Variants in AATK observed in about 807,000 individuals in gnomAD.
The protein encoded by AATK is lemur tail kinase 1, also known as serine/threonine-protein kinase LMTK1.
In AATK, 91 loss-of-function variants were observed where a neutral mutation model predicts 114.3. The observed-to-expected ratio is 0.80, with a 90% CI of 0.67 to 0.95. The LOEUF is 0.95. Ranked by LOEUF, AATK falls within the 40% of genes least tolerant of loss-of-function variation. The pLI, the probability that AATK is intolerant of heterozygous loss-of-function variation, is 0.00. For missense variants in AATK, 2,176 were observed against 1,965.2 expected, an observed-to-expected ratio of 1.11 and a Z score of -2.03; for synonymous variants, 1,075 against 916.5, an observed-to-expected ratio of 1.17 and a Z score of -3.12.
At chr17:81,145,826 C>T (rs1473974504) in intron 1 of AATK, among the ~76,000 whole-genome samples, 39 of 151,490 alleles carry the variant, frequency 2.6e-4, no homozygotes, top group Non-Finnish European at 4.4e-5. Flanking sequence ...GAAAATATGT[C>T]GAAGAGCTGA....
intron 1 of AATK, among the ~76,000 whole-genome samples, chr17:81,158,976 C>A (rs1019201634): frequency 6.6e-6 from 1 of 152,194 alleles, no homozygotes. Flanking sequence ...CCAAAGAGGA[C>A]AAGGCCACAG....
Position 81,120,989 on chromosome 17 carries a change from G to A in AATK, c.2947C>T (p.Leu983Phe). Residue 983 changes from leucine to phenylalanine, a missense_variant, in exon 11 of 14, where the codon CTC (leucine) becomes TTC (phenylalanine). Leu to Phe is a conservative substitution (Grantham distance 22, BLOSUM62 0). Around this residue, in one of 4 missense-constraint regions of AATK, gnomAD observed 1,701 missense variants for 1,394.7 expected, o/e 1.22. Coordinates refer to ENST00000326724, the MANE Select transcript of AATK (RefSeq NM_001080395.3). ...PGPETRLSTS[L>F]SGLNEKNPYR... ...GGATTCTTCTCGTTGAGGCCACTGA[G>A]GGAGGTGGAGAGCCGTGTCTCGGGC... The A allele has an allele frequency of 6.2e-7, 1 of 1,610,732 alleles. No homozygotes were observed. Among genetic ancestry groups the A allele is most frequent in the South Asian group, 1.1e-5 (1 of 90,502 alleles).
chr17:81,126,348 A>C lies in AATK; in HGVS notation c.755+79T>G. 2.7e-6 allele frequency: 4 copies of C among 1,480,362 alleles called. No individual in the cohort carries two copies. The highest frequency in any genetic ancestry group is 3.6e-6 in the Non-Finnish European group (4 of 1,107,746). The allele number at this position is 1,480,362 out of a possible 1,614,324, so 91.7% of individuals were successfully genotyped here. A position where few individuals can be genotyped will look rare whatever the true frequency, so the allele number is the denominator to read the frequency against. ...CCGGTCCTCGCAAGCCCCCTGAGGC[A>C]GGACCCGCCCTATGCCCTTCCTTCA... On this transcript the variant is annotated intron_variant, in intron 7 of 13. Transcript: ENST00000326724. This position sits in a 1 kb window ranked among gnomAD's most constrained non-coding sequence, Gnocchi z 5.1.
chr17:81,132,696 G>C, intron 2 of AATK: 1 of 331,858 alleles, frequency 3.0e-6, no homozygotes, highest in Non-Finnish European at 6.2e-6. Context: ...GATACAGCGT[G>C]CAATCAGGTA....
At chr17:81,140,798 AGACCGTGGG>A (rs2061117773) in intron 1 of AATK, among the ~76,000 whole-genome samples, 1 of 64,618 alleles carries the variant, frequency 1.5e-5, no homozygotes, top group African/African-American at 7.5e-5. Flanking sequence ...TGGGGCCGTG[AGACCGTGGG>A]GCTGTGAGCC....
chr17:81,162,800 C>T (rs1398268586), intron 1 of AATK, among the ~76,000 whole-genome samples: 1 of 152,166 alleles, frequency 6.6e-6, no homozygotes, highest in Non-Finnish European at 1.5e-5. Context: ...GGGCAGGAGA[C>T]AGGGCGTGAG....
rs2060686765 is a variant in AATK at position 81,120,531 on chromosome 17, G to GC, written c.3404dup (p.Gly1137ArgfsTer30). On this transcript the variant is annotated frameshift_variant, in exon 11 of 14. Coordinates refer to ENST00000326724, the MANE Select transcript of AATK (RefSeq NM_001080395.3). LOFTEE classifies it high-confidence loss of function. ...GGAGTGGGGCTCTGGGGGTGCCTGG[G>GC]CCCCCCATCCGCTTTTGTGGGGCCG... is the stretch of plus-strand genomic sequence containing the variant. The GC allele has an allele frequency of 2.7e-6, 4 of 1,483,994 alleles. No individual in the cohort carries two copies. The highest frequency in any genetic ancestry group is 3.6e-6 in the Non-Finnish European group (4 of 1,116,414). The allele number at this position is 1,483,994 out of a possible 1,614,324, so 91.9% of individuals were successfully genotyped here.
At chr17:81,147,977 G>A (rs1037397560) in intron 1 of AATK, among the ~76,000 whole-genome samples, 6 of 146,616 alleles carry the variant, frequency 4.1e-5, no homozygotes, top group African/African-American at 1.3e-4. Context: ...GTCACCATGC[G>A]CCGTTTGGTT....
At chr17:81,119,883 G>T in intron 12 of AATK, 53 bp downstream of exon 12, 1 of 1,403,344 alleles carries the variant, frequency 7.1e-7, no homozygotes, top group Non-Finnish European at 9.2e-7. Context: ...CACACAGCAC[G>T]GACCAGGCCC....
chr17:81,145,762 C>A (rs891984293), intron 1 of AATK, among the ~76,000 whole-genome samples: 5 of 143,756 alleles, frequency 3.5e-5, no homozygotes, highest in Admixed American at 7.0e-5. Flanking sequence ...AAAGGGTGTT[C>A]GATAAAAGCC....
chr17:81,139,389 T>A (rs56395508), intron 1 of AATK, among the ~76,000 whole-genome samples: 23,065 of 152,236 alleles, frequency 0.15, 2,003 homozygotes, highest in South Asian at 0.22. Context: ...CGAGAAGGGG[T>A]ACCTGGGACC....
Position 81,124,720 on chromosome 17 carries a change from C to T in AATK, c.962+7G>A, listed in dbSNP as rs1389503713. 6 of 1,612,298 alleles carry T rather than the reference C, an allele frequency of 3.7e-6. No homozygotes were observed. Among genetic ancestry groups the T allele is most frequent in the Non-Finnish European group, 5.1e-6 (6 of 1,179,540 alleles). On this transcript the variant is annotated splice_region_variant and intron_variant, in intron 9 of 13. Transcript: ENST00000326724. ...GCCCCTCACGGTGCCACCAGGGCCG[C>T]ACTCACCACACATTCCCGCTCTTGG...
chr17:81,141,075 A>G (rs2061131184), intron 1 of AATK, among the ~76,000 whole-genome samples: 1 of 149,834 alleles, frequency 6.7e-6, no homozygotes, highest in African/African-American at 2.5e-5. Flanking sequence ...GGGGGCTAGG[A>G]GCCGTGGATG....
In AATK at chr17:81,121,075, G is replaced by C; in HGVS notation, c.2861C>G (p.Ala954Gly). 1 of 1,606,642 alleles carries C rather than the reference G, an allele frequency of 6.2e-7. No homozygotes were observed. Among genetic ancestry groups the C allele is most frequent in the Non-Finnish European group, 8.5e-7 (1 of 1,176,594 alleles). ...YESPEFVLKE[A>G]QEGCEPQAFA... ...GGCCTGGGGCTCACACCCTTCCTGC[G>C]CCTCCTTGAGCACAAACTCAGGGGA... The change falls in exon 11 of 14, where the codon GCG becomes GGG. Residue 954 changes from alanine (A) to glycine (G), a missense_variant. This residue lies in a region of AATK where 1,701 missense variants were observed against 1,394.7 expected (regional missense o/e 1.22). Coordinates refer to ENST00000326724, the MANE Select transcript of AATK (RefSeq NM_001080395.3).
intron 1 of AATK, among the ~76,000 whole-genome samples, chr17:81,143,861 T>G (rs2061176997): frequency 6.6e-6 from 1 of 152,240 alleles, no homozygotes; most frequent in African/African-American, 2.4e-5. Flanking sequence ...CTGGCATGCA[T>G]GCCCCGTGGG....
chr17:81,133,818 A>C (rs1289305814), intron 2 of AATK, among the ~76,000 whole-genome samples: 1 of 152,092 alleles, frequency 6.6e-6, no homozygotes, highest in Admixed American at 6.5e-5. Flanking sequence ...GGGGCTCCCT[A>C]ACCAGCAGGC....
Position 81,126,036 on chromosome 17 carries a change from G to A in AATK, c.755+391C>T, listed in dbSNP as rs2060815636. 1.5e-5 allele frequency: 7 copies of A among 482,756 alleles called. No individual in the cohort carries two copies. Among genetic ancestry groups the A allele is most frequent in the South Asian group, 1.1e-4 (7 of 64,564 alleles). 29.9% of individuals were successfully genotyped at this position (482,756 alleles called of 1,614,324 possible). On this transcript the variant is annotated intron_variant, in intron 7 of 13. Coordinates refer to ENST00000326724, the MANE Select transcript of AATK (RefSeq NM_001080395.3). This position sits in a 1 kb window ranked among gnomAD's most constrained non-coding sequence, Gnocchi z 5.1. The stretch of plus-strand genomic sequence containing the variant: ...TGTCCCCCCGGGGTCCCCAGGGGCT[G>A]GGCATCCTGGCCCAAGCAGGACAGA...
At chr17:81,159,502 C>T (rs1222173615) in intron 1 of AATK, among the ~76,000 whole-genome samples, 4 of 152,148 alleles carry the variant, frequency 2.6e-5, no homozygotes, top group African/African-American at 7.2e-5. Context: ...AAGCCACACG[C>T]CTTTTTCGCA....
chr17:81,118,230 C>A lies in AATK; in HGVS notation c.*172G>T, dbSNP rs1402319621. On this transcript the variant is annotated 3_prime_UTR_variant, in exon 14 of 14. Coordinates refer to ENST00000326724, the MANE Select transcript of AATK (RefSeq NM_001080395.3). ...GGCGGAGCATGGCCGATCTACCATC[C>A]AGGGCCTCTCATCCCACGGGCTTCT... 1.4e-5 allele frequency: 9 copies of A among 638,670 alleles called. No individual in the cohort carries two copies. Among genetic ancestry groups the A allele is most frequent in the Non-Finnish European group, 2.5e-5 (9 of 366,780 alleles). 39.6% of individuals were successfully genotyped at this position (638,670 alleles called of 1,614,324 possible). A position where few individuals can be genotyped will look rare whatever the true frequency, so the allele number is the denominator to read the frequency against.
Sources: allele counts gnomAD v4.1 joint callset (sites outside exome capture counted in the v4.1 genomes callset), GRCh38; gene constraint gnomAD v4.1.1; regional missense constraint gnomAD v4.1.1; non-coding constraint Gnocchi (gnomAD v3.1); transcripts MANE v1.5; gene names NCBI Gene and HGNC (gene_info 2026-07-23, HGNC 2026-07-21).